ADGRL3: variants seen among roughly 807,000 people sequenced by gnomAD.
ADGRL3 encodes the protein adhesion G protein-coupled receptor L3.
In ADGRL3, 62 loss-of-function variants were observed where a neutral mutation model predicts 153.5. That is an observed-to-expected ratio of 0.40 (90% confidence interval 0.33 to 0.50). The LOEUF is 0.50. ADGRL3 is among the 20% of genes least tolerant of loss of function. The probability of loss-of-function intolerance (pLI) is 0.47; values close to 1 mark genes in which losing one functional copy is unlikely to be tolerated. For synonymous variants in ADGRL3, 710 were observed against 672.5 expected, an observed-to-expected ratio of 1.06 and a Z score of -0.86; for missense variants, 1,641 against 1,859.4, an observed-to-expected ratio of 0.88 and a Z score of 2.16.
At chr4:61,530,171 A>G (rs973864515) in intron 4 of ADGRL3, among the ~76,000 whole-genome samples, 2 of 152,184 alleles carry the variant, frequency 1.3e-5, no homozygotes, top group African/African-American at 4.8e-5. Flanking sequence ...TTATCTACAG[A>G]GAGAAAATTG....
At chr4:61,565,112 A>G (rs1397574800) in intron 4 of ADGRL3, among the ~76,000 whole-genome samples, 1 of 152,218 alleles carries the variant, frequency 6.6e-6, no homozygotes, top group Non-Finnish European at 1.5e-5. Flanking sequence ...AATGGCACCA[A>G]TAGACTTGCT....
intron 2 of ADGRL3, among the ~76,000 whole-genome samples, chr4:61,437,323 T>C (rs2097460379): frequency 6.6e-6 from 1 of 152,168 alleles, no homozygotes; most frequent in African/African-American, 2.4e-5. Flanking sequence ...TTGAAAACAT[T>C]CTAAAAATAT....
intron 6 of ADGRL3, among the ~76,000 whole-genome samples, chr4:61,697,424 G>A (rs901231673): frequency 2.6e-4 from 40 of 151,970 alleles, no homozygotes; most frequent in African/African-American, 9.7e-4. Context: ...GCAAGGAATG[G>A]TGGCAGGTGC....
intron 21 of ADGRL3, among the ~76,000 whole-genome samples, chr4:62,007,439 T>TATATATACACATATATATATATAC (rs1553908730): frequency 9.7e-5 from 12 of 124,054 alleles, no homozygotes; most frequent in Non-Finnish European, 1.8e-4. Flanking sequence ...TATATATATA[T>TATATATACACATATATATATATAC]ACACACACAT....
chr4:61,863,392 T>G lies in ADGRL3; in HGVS notation c.1481-29264T>G, dbSNP rs560782416. Among the ~76,000 whole-genome samples, 3 of 151,240 alleles carry G rather than the reference T, an allele frequency of 2.0e-5. No homozygotes were observed. In the South Asian group the frequency reaches 6.3e-4, roughly 32 times the overall value. ...AGCTGGGACTACAGGCGCCCGCCACTACGCCCGGCTAATTTTTTGTATTTT... is the reference window on the plus strand; with the variant it reads ...AGCTGGGACTACAGGCGCCCGCCACGACGCCCGGCTAATTTTTTGTATTTT... On this transcript the variant is annotated intron_variant, in intron 9 of 26. Transcript: ENST00000683033.
chr4:61,517,634 C>G, intron 4 of ADGRL3, 116 bp downstream of exon 4: 1 of 636,660 alleles, frequency 1.6e-6, no homozygotes. Context: ...TCTGCATTCA[C>G]TTTTGTGGCT....
At chr4:61,335,370 G>A (rs1192920529) in intron 1 of ADGRL3, among the ~76,000 whole-genome samples, 1 of 152,112 alleles carries the variant, frequency 6.6e-6, no homozygotes, top group Non-Finnish European at 1.5e-5. Flanking sequence ...CCTGTAATGA[G>A]AAATCACAGC....
intron 1 of ADGRL3, among the ~76,000 whole-genome samples, chr4:61,310,049 G>A (rs1399301320): frequency 6.6e-6 from 1 of 151,124 alleles, no homozygotes; most frequent in Admixed American, 6.6e-5. Context: ...AGATATAAAT[G>A]CAATATACTA....
At chr4:61,939,480 T>A (rs926551280) in intron 15 of ADGRL3, among the ~76,000 whole-genome samples, 1 of 151,644 alleles carries the variant, frequency 6.6e-6, no homozygotes, top group Admixed American at 6.6e-5. Context: ...TTTTTCTTTT[T>A]TTTTTTTGAG....
At chr4:61,645,993 T>C (rs532135141) in intron 5 of ADGRL3, among the ~76,000 whole-genome samples, 1 of 152,304 alleles carries the variant, frequency 6.6e-6, no homozygotes, top group South Asian at 2.1e-4. Flanking sequence ...TTCTTTTTAT[T>C]CTTTTTTCTC....
intron 6 of ADGRL3, among the ~76,000 whole-genome samples, chr4:61,711,489 T>TAC (rs1554009873): frequency 1.9e-5 from 2 of 107,940 alleles, no homozygotes; most frequent in African/African-American, 3.4e-5. Context: ...TATATATATA[T>TAC]ATACACACAC....
intron 6 of ADGRL3, among the ~76,000 whole-genome samples, chr4:61,726,216 T>TTTTTTTTTTTTTTTTTTTTTTTC (rs1384390790): frequency 1.3e-5 from 2 of 148,840 alleles, no homozygotes; most frequent in Admixed American, 6.8e-5. Flanking sequence ...TTTTGTTTTT[T>TTTTTTTTTTTTTTTTTTTTTTTC]GAGAAGGAGT....
intron 2 of ADGRL3, among the ~76,000 whole-genome samples, chr4:61,401,310 C>G (rs1471936805): frequency 6.6e-6 from 1 of 151,854 alleles, no homozygotes; most frequent in African/African-American, 2.4e-5. Flanking sequence ...GTTGAAGTCA[C>G]TGATCACTAC....
intron 5 of ADGRL3, among the ~76,000 whole-genome samples, chr4:61,651,231 A>T (rs887696053): frequency 7.2e-5 from 11 of 152,222 alleles, no homozygotes; most frequent in African/African-American, 2.7e-4. Flanking sequence ...TTGGGATCAT[A>T]TTGCAAGAAT....
At chr4:61,365,344 G>A (rs17090445) in intron 1 of ADGRL3, among the ~76,000 whole-genome samples, 2,412 of 152,254 alleles carry the variant, frequency 0.016, 62 homozygotes, top group African/African-American at 0.055. Flanking sequence ...TACTGAGACT[G>A]CTAAGGGGAC....
At chr4:61,611,071 C>T (rs62304003) in intron 5 of ADGRL3, among the ~76,000 whole-genome samples, 3,742 of 152,146 alleles carry the variant, frequency 0.025, 59 homozygotes, top group Middle Eastern at 0.058. Flanking sequence ...CCTAAAATTT[C>T]GGTTGCTTAA....
chr4:61,593,269 A>T (rs749734172), intron 5 of ADGRL3, among the ~76,000 whole-genome samples: 1 of 152,130 alleles, frequency 6.6e-6, no homozygotes, highest in Middle Eastern at 3.2e-3. Context: ...CTTCTAGTTA[A>T]GTCAAGAGAA....
At chr4:61,475,732 C>A (rs1378756656) in intron 2 of ADGRL3, among the ~76,000 whole-genome samples, 1 of 152,056 alleles carries the variant, frequency 6.6e-6, no homozygotes, top group Non-Finnish European at 1.5e-5. Flanking sequence ...AATTTCAATT[C>A]AAAAATATTA....
chr4:61,860,052 A>T (rs1056071532), intron 9 of ADGRL3, among the ~76,000 whole-genome samples: 2 of 152,218 alleles, frequency 1.3e-5, no homozygotes, highest in African/African-American at 4.8e-5. Flanking sequence ...AAAGGTGTAT[A>T]TCAATGTTTA....
Sources: allele counts gnomAD v4.1 joint callset (sites outside exome capture counted in the v4.1 genomes callset), GRCh38; gene constraint gnomAD v4.1.1; transcripts MANE v1.5; gene names NCBI Gene and HGNC (gene_info 2026-07-23, HGNC 2026-07-21).